The following DLG2 variants were observed in gnomAD, a reference collection of about 807,000 sequenced individuals.
The protein encoded by DLG2 is disks large homolog 2.
A neutral mutation model predicts 132.5 loss-of-function variants in DLG2; 45 were observed. That is an observed-to-expected ratio of 0.34 (90% confidence interval 0.27 to 0.44). The LOEUF is 0.44. DLG2 is among the 20% of genes least tolerant of loss of function. The probability of loss-of-function intolerance (pLI) is 1.00; values close to 1 mark genes in which losing one functional copy is unlikely to be tolerated. For synonymous variants in DLG2, 424 were observed against 419.6 expected, an observed-to-expected ratio of 1.01 and a Z score of -0.13; for missense variants, 1,045 against 1,196.9, an observed-to-expected ratio of 0.87 and a Z score of 1.87.
At chr11:84,381,151 C>T (rs2098747918) in intron 7 of DLG2, among the ~76,000 whole-genome samples, 1 of 151,934 alleles carries the variant, frequency 6.6e-6, no homozygotes, top group Non-Finnish European at 1.5e-5. Context: ...AATTTCCTGA[C>T]AATCATAACT....
intron 6 of DLG2, among the ~76,000 whole-genome samples, chr11:85,101,267 A>C (rs2070801438): frequency 6.6e-6 from 1 of 152,138 alleles, no homozygotes; most frequent in Non-Finnish European, 1.5e-5. Flanking sequence ...TTAGGTAATA[A>C]AATGCCATGA....
rs1264338401 is a variant in DLG2 at position 84,652,449 on chromosome 11, C to T, written c.358-117718G>A. On this transcript the variant is annotated intron_variant, in intron 6 of 27. Transcript: ENST00000376104. ...ATTGGTTGGATCATTGTGGCATTCA[C>T]TGTCACAGACCAAACAGGAGCAGGA... Among the ~76,000 whole-genome samples, 3 of 152,138 alleles carry T rather than the reference C, an allele frequency of 2.0e-5. No homozygotes were observed. The East Asian group carries it at 5.8e-4, about 29-fold the overall frequency.
At chr11:84,219,704 C>A (rs1450770675) in intron 8 of DLG2, among the ~76,000 whole-genome samples, 4 of 152,192 alleles carry the variant, frequency 2.6e-5, no homozygotes, top group Non-Finnish European at 5.9e-5. Context: ...CAAGCACTGT[C>A]TTCCTCCCCA....
At chr11:83,635,306 C>T (rs12273560) in intron 18 of DLG2, among the ~76,000 whole-genome samples, 9 of 152,008 alleles carry the variant, frequency 5.9e-5, no homozygotes, top group Non-Finnish European at 1.0e-4. Flanking sequence ...TTGAGCAAGT[C>T]GTATTTTCTT....
intron 9 of DLG2, among the ~76,000 whole-genome samples, chr11:84,109,547 G>A (rs1323129680): frequency 6.6e-6 from 1 of 152,196 alleles, no homozygotes; most frequent in Admixed American, 6.5e-5. Context: ...GATGTTGTCA[G>A]TGATACTCCA....
At chr11:84,166,849 C>A in intron 8 of DLG2, 1 of 513,176 alleles carries the variant, frequency 1.9e-6, no homozygotes, top group South Asian at 1.5e-5. Flanking sequence ...ATATAATATT[C>A]CCAATCAGGT....
intron 18 of DLG2, among the ~76,000 whole-genome samples, chr11:83,753,174 G>A (rs1369852112): frequency 6.6e-6 from 1 of 152,200 alleles, no homozygotes; most frequent in Non-Finnish European, 1.5e-5. Context: ...TGTGATCCAA[G>A]CACTTTGGGA....
intron 10 of DLG2, among the ~76,000 whole-genome samples, chr11:84,092,968 G>A (rs781722305): frequency 1.3e-5 from 2 of 151,540 alleles, no homozygotes; most frequent in Non-Finnish European, 2.9e-5. Flanking sequence ...CCCAGAAGGC[G>A]GAGGTGGCAG....
At chr11:84,825,975 A>G (rs887053665) in intron 6 of DLG2, among the ~76,000 whole-genome samples, 1 of 151,882 alleles carries the variant, frequency 6.6e-6, no homozygotes, top group African/African-American at 2.4e-5. Flanking sequence ...GGTTTGATAT[A>G]TAACATACAC....
At chr11:84,023,234 T>G (rs2095445873) in intron 11 of DLG2, among the ~76,000 whole-genome samples, 1 of 152,152 alleles carries the variant, frequency 6.6e-6, no homozygotes, top group Non-Finnish European at 1.5e-5. Flanking sequence ...ATTCAATAAG[T>G]TGATTCCTGA....
intron 18 of DLG2, among the ~76,000 whole-genome samples, chr11:83,686,726 C>T (rs2079860131): frequency 6.6e-6 from 1 of 152,088 alleles, no homozygotes. Context: ...AACAACCCTC[C>T]CTTATTTTTC....
chr11:83,928,272 A>G (rs892191902), intron 15 of DLG2, among the ~76,000 whole-genome samples: 2 of 152,096 alleles, frequency 1.3e-5, no homozygotes, highest in African/African-American at 2.4e-5. Context: ...AAAAAATTCA[A>G]CATTGTACTA....
At chr11:84,090,119 G>C (rs181764644) in intron 10 of DLG2, among the ~76,000 whole-genome samples, 6 of 152,208 alleles carry the variant, frequency 3.9e-5, no homozygotes, top group Admixed American at 1.3e-4. Flanking sequence ...ACTGCTTAAA[G>C]ATAGGTAACG....
At chr11:85,501,658 A>C (rs1374518038) in intron 3 of DLG2, among the ~76,000 whole-genome samples, 1 of 152,244 alleles carries the variant, frequency 6.6e-6, no homozygotes, top group Non-Finnish European at 1.5e-5. Context: ...GCCAACAGAC[A>C]TATGAAAAAA....
chr11:83,587,499 G>A (rs992117913), intron 19 of DLG2, among the ~76,000 whole-genome samples: 2 of 152,108 alleles, frequency 1.3e-5, no homozygotes, highest in African/African-American at 2.4e-5. Flanking sequence ...TCGAACTCCT[G>A]AGCTCAAACA....
intron 6 of DLG2, among the ~76,000 whole-genome samples, chr11:85,055,518 G>C (rs2063360790): frequency 6.6e-6 from 1 of 152,282 alleles, no homozygotes; most frequent in Admixed American, 6.5e-5. Flanking sequence ...GCTGAACAGA[G>C]AGCTGACAGA....
intron 18 of DLG2, among the ~76,000 whole-genome samples, chr11:83,694,977 T>C (rs1468089688): frequency 6.6e-6 from 1 of 152,212 alleles, no homozygotes; most frequent in African/African-American, 2.4e-5. Context: ...TACTTTGCAT[T>C]ACCAATATGC....
At chr11:85,610,212 C>T (rs2080891734) in intron 2 of DLG2, among the ~76,000 whole-genome samples, 1 of 152,186 alleles carries the variant, frequency 6.6e-6, no homozygotes, top group Admixed American at 6.5e-5. Context: ...TATTGTTAAA[C>T]ATTTAAAAGC....
intron 6 of DLG2, among the ~76,000 whole-genome samples, chr11:84,659,762 G>A (rs757829836): frequency 6.6e-6 from 1 of 152,106 alleles, no homozygotes; most frequent in East Asian, 1.9e-4. Flanking sequence ...GATATCAATT[G>A]CAAGTTTGGG....
Sources: allele counts gnomAD v4.1 joint callset (sites outside exome capture counted in the v4.1 genomes callset), GRCh38; gene constraint gnomAD v4.1.1; transcripts MANE v1.5; gene names NCBI Gene and HGNC (gene_info 2026-07-23, HGNC 2026-07-21).